The following FAM131C variants were observed in gnomAD, a reference collection of about 807,000 sequenced individuals.
FAM131C encodes the protein protein FAM131C.
FAM131C carries 14 observed loss-of-function variants against 29.8 expected under a neutral mutation model. The observed-to-expected ratio is 0.47, with a 90% CI of 0.31 to 0.73. The LOEUF (loss-of-function observed/expected upper bound fraction) is 0.73. Ranked by LOEUF, FAM131C falls within the 30% of genes least tolerant of loss-of-function variation. The pLI is 0.05. For synonymous variants in FAM131C, 86 were observed against 157.8 expected, an observed-to-expected ratio of 0.54 and a Z score of 3.41; for missense variants, 252 against 383.8, an observed-to-expected ratio of 0.66 and a Z score of 2.87.
chr1:16,060,417 C>A (rs1424237510), intron 4 of FAM131C, among the ~76,000 whole-genome samples: 1 of 135,012 alleles, frequency 7.4e-6, no homozygotes, highest in Non-Finnish European at 1.7e-5. Flanking sequence ...AGTTCAGACC[C>A]TTCCATCCAA....
At position 16,063,332 on chromosome 1, in the gene FAM131C, T is replaced by C. The variant is rs552035155; in HGVS notation, c.138+189A>G. ...GGTCTTCTAAACAAGCCTGGTCCAG[T>C]CCCTGGATGCTCAGTCCAGTCCAGC... On this transcript the variant is annotated intron_variant, in intron 2 of 6. Transcript: ENST00000375662. Among the ~76,000 whole-genome samples, 421 of 151,970 alleles carry C rather than the reference T, an allele frequency of 2.8e-3. 3 individuals carry two copies. The highest frequency in any genetic ancestry group is 9.8e-3 in the African/African-American group (407 of 41,348).
intron 1 of FAM131C, among the ~76,000 whole-genome samples, chr1:16,068,270 G>C (rs568957329): frequency 4.6e-5 from 7 of 152,238 alleles, no homozygotes; most frequent in Admixed American, 4.6e-4. Context: ...TCCGCTGCAG[G>C]GGGTGGGCAT....
chr1:16,070,287 G>C (rs748918540), intron 1 of FAM131C, among the ~76,000 whole-genome samples: 1 of 152,160 alleles, frequency 6.6e-6, no homozygotes, highest in Admixed American at 6.5e-5. Context: ...CTCAACAAAC[G>C]GTAGCTTAAA....
intron 6 of FAM131C, among the ~76,000 whole-genome samples, 182 bp downstream of exon 6, chr1:16,059,312 T>C (rs946042326): frequency 6.6e-6 from 1 of 151,892 alleles, no homozygotes; most frequent in African/African-American, 2.4e-5. Flanking sequence ...CTCTCCTTCC[T>C]GCTCCTGGCA....
At chr1:16,062,567 G>A (rs2023617654) in intron 2 of FAM131C, 33 bp from the exon 3 acceptor site, 4 of 1,559,034 alleles carry the variant, frequency 2.6e-6, no homozygotes, top group African/African-American at 1.4e-5. Context: ...ATCAGGCAGG[G>A]CCTGGCACGC....
At chr1:16,064,071 G>C (rs1292580997) in intron 1 of FAM131C, among the ~76,000 whole-genome samples, 1 of 152,066 alleles carries the variant, frequency 6.6e-6, no homozygotes, top group East Asian at 1.9e-4. Context: ...GCCTGGATCT[G>C]AGGAGCTGAA....
At chr1:16,072,119 T>G (rs1177049863) in intron 1 of FAM131C, among the ~76,000 whole-genome samples, 2 of 152,196 alleles carry the variant, frequency 1.3e-5, no homozygotes, top group Non-Finnish European at 2.9e-5. Flanking sequence ...CTGGGTTCCT[T>G]GCTGCTGGAT....
intron 1 of FAM131C, 63 bp from the exon 2 acceptor site, chr1:16,063,699 G>T: frequency 3.5e-6 from 4 of 1,136,230 alleles, no homozygotes; most frequent in East Asian, 2.5e-5. Context: ...TACAAAGCAT[G>T]TTCAAGGCCC....
intron 2 of FAM131C, 77 bp from the exon 3 acceptor site, chr1:16,062,611 G>T (rs1217493262): frequency 7.3e-6 from 11 of 1,506,460 alleles, no homozygotes; most frequent in Non-Finnish European, 9.8e-6. Flanking sequence ...CTGGGGCCCT[G>T]GGTGGGGGTG....
At chr1:16,068,367 A>G (rs2023709198) in intron 1 of FAM131C, among the ~76,000 whole-genome samples, 1 of 152,216 alleles carries the variant, frequency 6.6e-6, no homozygotes, top group African/African-American at 2.4e-5. Context: ...AGCACCTGCC[A>G]CAGCAAGCAG....
At chr1:16,070,554 G>A (rs558375275) in intron 1 of FAM131C, among the ~76,000 whole-genome samples, 231 of 152,306 alleles carry the variant, frequency 1.5e-3, no homozygotes, top group African/African-American at 5.3e-3. Context: ...CACTTTGGGA[G>A]GCCGAGGTGG....
intron 1 of FAM131C, among the ~76,000 whole-genome samples, chr1:16,072,965 A>G (rs1030706955): frequency 2.4e-4 from 35 of 146,572 alleles, no homozygotes; most frequent in African/African-American, 8.2e-4. Flanking sequence ...GGCTCTGCAG[A>G]TGGGGGCACC....
In FAM131C at chr1:16,063,581, C is replaced by T. The variant is rs754515318; in HGVS notation, c.78G>A (p.Leu26=). 1.9e-6 allele frequency: 3 copies of T among 1,613,824 alleles called. No individual in the cohort carries two copies. Among genetic ancestry groups the T allele is most frequent in the South Asian group, 1.1e-5 (1 of 91,068 alleles). The change falls in exon 2 of 7, where the codon TTG becomes TTA. Residue 26 remains leucine, a synonymous_variant. Transcript: ENST00000375662. ...TGCGGCCCGAGGGCAGATCTGGGTT[C>T]AAGGGGTCCGCACCCTGGGGCATGG... The part of the protein sequence containing the change: ...NCPMPQGADP[L]NPDLPSGRTP...
rs376630111 is a variant in FAM131C at position 16,063,548 on chromosome 1, G to A, written c.111C>T (p.Thr37=). 3.8e-5 allele frequency: 61 copies of A among 1,613,722 alleles called. No individual in the cohort carries two copies. The highest frequency in any genetic ancestry group is 4.8e-5 in the Non-Finnish European group (57 of 1,179,822). The change falls in exon 2 of 7, where the codon ACC becomes ACT. Residue 37 remains threonine (T), a synonymous_variant. Transcript: ENST00000375662. The stretch of plus-strand genomic sequence containing the variant: ...TGCCAATGACACAGTCTGGAGCCAC[G>A]GTGGGAGTGCGGCCCGAGGGCAGAT... The part of the protein sequence containing the change: ...NPDLPSGRTP[T]VAPDCVIGKD...
chr1:16,065,106 T>A (rs1213690447), intron 1 of FAM131C, among the ~76,000 whole-genome samples: 1 of 152,170 alleles, frequency 6.6e-6, no homozygotes, highest in African/African-American at 2.4e-5. Flanking sequence ...CCCTGACTCC[T>A]CACTTGAGCT....
At chr1:16,061,685 C>T (rs889821055) in intron 4 of FAM131C, among the ~76,000 whole-genome samples, 2 of 152,026 alleles carry the variant, frequency 1.3e-5, no homozygotes, top group Admixed American at 6.5e-5. Flanking sequence ...GAGCCCCTTC[C>T]GAAGGCCCCT....
chr1:16,069,411 T>C, intron 1 of FAM131C, among the ~76,000 whole-genome samples: 1 of 152,162 alleles, frequency 6.6e-6, no homozygotes. Context: ...CCTTAGAGCT[T>C]GTGCCTTCAC....
chr1:16,062,380 GCCCCC>G (rs34673312), intron 3 of FAM131C, 114 bp downstream of exon 3: 98 of 858,138 alleles, frequency 1.1e-4, no homozygotes, highest in Non-Finnish European at 1.4e-4. Flanking sequence ...GTTTCATCAG[GCCCCC>G]CCCCCCCCCG....
chr1:16,067,349 G>C (rs1401410199), intron 1 of FAM131C, among the ~76,000 whole-genome samples: 1 of 152,200 alleles, frequency 6.6e-6, no homozygotes, highest in Admixed American at 6.5e-5. Context: ...AAAACACAGA[G>C]TGTCATGTGG....
Sources: allele counts gnomAD v4.1 joint callset (sites outside exome capture counted in the v4.1 genomes callset), GRCh38; gene constraint gnomAD v4.1.1; transcripts MANE v1.5; gene names NCBI Gene and HGNC (gene_info 2026-07-23, HGNC 2026-07-21).